The following OTOGL variants were observed in gnomAD, a reference collection of about 807,000 sequenced individuals.
OTOGL encodes the protein otogelin-like protein.
OTOGL carries 285 observed loss-of-function variants against 318.5 expected under a neutral mutation model. The observed-to-expected ratio is 0.89, with a 90% CI of 0.81 to 0.99. The LOEUF is 0.99. OTOGL is among the 50% of genes least tolerant of loss of function. The pLI, the probability that OTOGL is intolerant of heterozygous loss-of-function variation, is 0.00. For synonymous variants in OTOGL, 987 were observed against 936.5 expected, an observed-to-expected ratio of 1.05 and a Z score of -0.99; for missense variants, 2,899 against 2,845.6, an observed-to-expected ratio of 1.02 and a Z score of -0.43.
intron 1 of OTOGL, among the ~76,000 whole-genome samples, chr12:80,195,795 A>G (rs1198560309): frequency 6.6e-6 from 1 of 152,192 alleles, no homozygotes; most frequent in Non-Finnish European, 1.5e-5. Context: ...AAATCACATT[A>G]GTAGCTTAAA....
At chr12:80,109,269 C>T (rs1869684983) in intron 1 of OTOGL, among the ~76,000 whole-genome samples, 1 of 152,036 alleles carries the variant, frequency 6.6e-6, no homozygotes, top group East Asian at 1.9e-4. Context: ...CAAAATGTAT[C>T]ACAATAAAAT....
At chr12:80,315,165 G>A (rs1886890395) in intron 32 of OTOGL, among the ~76,000 whole-genome samples, 2 of 152,140 alleles carry the variant, frequency 1.3e-5, no homozygotes, top group African/African-American at 4.8e-5. Flanking sequence ...CTATTACACA[G>A]CGTGGTGACT....
intron 1 of OTOGL, among the ~76,000 whole-genome samples, chr12:80,183,433 G>A (rs553903948): frequency 3.3e-5 from 5 of 152,282 alleles, no homozygotes; most frequent in South Asian, 2.1e-4. Flanking sequence ...GGATAATTAC[G>A]TCTATCACCT....
intron 27 of OTOGL, among the ~76,000 whole-genome samples, chr12:80,299,632 T>A (rs1322582800): frequency 6.6e-6 from 1 of 151,274 alleles, no homozygotes; most frequent in African/African-American, 2.4e-5. Flanking sequence ...AAACCACCTC[T>A]GTTATTTTTA....
At position 80,284,697 on chromosome 12, in the gene OTOGL, A is replaced by G. The variant is rs902085175; in HGVS notation, c.2928+5531A>G. ...GTCTTCTTTTGAGAAGTGTCTGTTC[A>G]TATCCTTTGGCCACTTTTTGATGGG... On this transcript the variant is annotated intron_variant, in intron 26 of 58. Coordinates refer to ENST00000547103, the MANE Select transcript of OTOGL (RefSeq NM_001378609.3). Among the ~76,000 whole-genome samples the G allele has an allele frequency of 2.0e-5, 3 of 152,210 alleles. No homozygotes were observed. In the East Asian group the frequency reaches 5.8e-4, roughly 29 times the overall value.
At chr12:80,295,814 T>C (rs1226534256) in intron 26 of OTOGL, among the ~76,000 whole-genome samples, 5 of 152,216 alleles carry the variant, frequency 3.3e-5, no homozygotes, top group Admixed American at 2.0e-4. Flanking sequence ...ATTATATACA[T>C]ATAACATCCC....
At chr12:80,125,280 C>G (rs944031232) in intron 1 of OTOGL, among the ~76,000 whole-genome samples, 1 of 152,186 alleles carries the variant, frequency 6.6e-6, no homozygotes, top group African/African-American at 2.4e-5. Flanking sequence ...GCCTTTTCTG[C>G]ATCTATTGAG....
At chr12:80,125,692 A>G (rs11114326) in intron 1 of OTOGL, among the ~76,000 whole-genome samples, 81,724 of 151,846 alleles carry the variant, frequency 0.54, 22,145 homozygotes, top group Middle Eastern at 0.58. Flanking sequence ...TTGGTAAGCT[A>G]TTAATTATTG....
At chr12:80,370,119 G>A (rs928004546) in intron 55 of OTOGL, among the ~76,000 whole-genome samples, 1 of 151,902 alleles carries the variant, frequency 6.6e-6, no homozygotes, top group Non-Finnish European at 1.5e-5. Context: ...TGGCAATAAG[G>A]GAGTAGAAGG....
intron 1 of OTOGL, among the ~76,000 whole-genome samples, chr12:80,207,835 A>C (rs999414461): frequency 6.6e-6 from 1 of 152,208 alleles, no homozygotes; most frequent in Non-Finnish European, 1.5e-5. Flanking sequence ...TATTCTTAAG[A>C]ATCTAAAATA....
intron 11 of OTOGL, among the ~76,000 whole-genome samples, chr12:80,249,818 C>A (rs191449847): frequency 6.6e-6 from 1 of 152,078 alleles, no homozygotes; most frequent in Admixed American, 6.5e-5. Flanking sequence ...ATCAGTGAGA[C>A]TCCGTGGGCG....
At chr12:80,103,721 G>A (rs560397398) in intron 1 of OTOGL, among the ~76,000 whole-genome samples, 1 of 152,184 alleles carries the variant, frequency 6.6e-6, no homozygotes, top group Admixed American at 6.5e-5. Context: ...TCTCCATTTA[G>A]GAACATAGTA....
intron 1 of OTOGL, among the ~76,000 whole-genome samples, chr12:80,139,911 C>T (rs911880704): frequency 1.3e-5 from 2 of 152,158 alleles, no homozygotes; most frequent in Non-Finnish European, 2.9e-5. Context: ...ACATCCTACA[C>T]TGACTATTCC....
chr12:80,313,630 G>A lies in OTOGL; in HGVS notation c.3605G>A (p.Cys1202Tyr), dbSNP rs876657948. 5.0e-6 allele frequency: 8 copies of A among 1,608,848 alleles called. No individual in the cohort carries two copies. Among genetic ancestry groups the A allele is most frequent in the South Asian group, 3.3e-5 (3 of 90,688 alleles). ...ISIHWRSSTV[C>Y]SLDCEYYNEG... is the part of the protein sequence containing the mutation. Reference sequence around the variant, plus strand: ...ATTCATTGGAGATCATCTACTGTTTGTTGTAAGTACCCTACTTAGAACATC... The same window carrying A: ...ATTCATTGGAGATCATCTACTGTTTATTGTAAGTACCCTACTTAGAACATC... The change falls in exon 31 of 59, where the codon TGT (cysteine) becomes TAT (tyrosine). Residue 1202 changes from cysteine (C) to tyrosine (Y), a missense_variant and splice_region_variant. Transcript: ENST00000547103.
chr12:80,353,412 A>C lies in OTOGL; in HGVS notation c.5495A>C (p.His1832Pro). 4 of 1,603,902 alleles carry C rather than the reference A, an allele frequency of 2.5e-6. No homozygotes were observed. Among genetic ancestry groups the C allele is most frequent in the Non-Finnish European group, 3.4e-6 (4 of 1,174,826 alleles). Residue 1832 changes from histidine (H) to proline (P), a missense_variant, in exon 46 of 59, where the codon CAC (histidine) becomes CCC (proline). By Grantham distance (77) the His-to-Pro change is moderately conservative (BLOSUM62 -2). Coordinates refer to ENST00000547103, the MANE Select transcript of OTOGL (RefSeq NM_001378609.3). ...TGCCTGAACCAATGGTTCTATGGAC[A>C]CACTTCCTGTTTGAATCTAAGAGAA... is the stretch of plus-strand genomic sequence containing the variant. ...RTCLNQWFYG[H>P]TSCLNLREDC...
intron 1 of OTOGL, among the ~76,000 whole-genome samples, chr12:80,162,099 T>C (rs2222828): frequency 0.49 from 74,069 of 152,018 alleles, 18,216 homozygotes; most frequent in African/African-American, 0.57. Flanking sequence ...AAAGAAATTC[T>C]AAAGTGATTT....
intron 1 of OTOGL, among the ~76,000 whole-genome samples, chr12:80,123,680 C>A (rs1870627914): frequency 6.6e-6 from 1 of 152,024 alleles, no homozygotes; most frequent in South Asian, 2.1e-4. Flanking sequence ...CCCATTTCTC[C>A]ACATCCTCTC....
intron 1 of OTOGL, chr12:80,103,239 G>A: frequency 6.8e-7 from 1 of 1,474,130 alleles, no homozygotes; most frequent in Non-Finnish European, 9.5e-7. Flanking sequence ...GGAAAGAAGG[G>A]AAGACATAAT....
chr12:80,147,652 G>A (rs1233542409), intron 1 of OTOGL, among the ~76,000 whole-genome samples: 2 of 151,944 alleles, frequency 1.3e-5, no homozygotes, highest in Non-Finnish European at 2.9e-5. Flanking sequence ...GTTGACAGTG[G>A]GGTGTTAAAG....
Sources: gnomAD v4.1 joint callset for allele counts (sites outside exome capture counted in the v4.1 genomes callset) on GRCh38, gnomAD v4.1.1 for gene constraint, MANE v1.5 for transcripts, NCBI Gene and HGNC (gene_info 2026-07-23, HGNC 2026-07-21) for gene names.